Variants in STPG2 observed in about 807,000 individuals in gnomAD.
The protein encoded by STPG2 is sperm-tail PG-rich repeat-containing protein 2.
Under a neutral mutation model 54.2 loss-of-function variants are expected in STPG2, and 56 were observed. That is an observed-to-expected ratio of 1.03 (90% CI 0.83 to 1.29). STPG2 has a LOEUF of 1.29. STPG2 is among the 50% of genes most tolerant of loss of function. The pLI is 0.00. For missense variants in STPG2, 596 were observed against 544.9 expected, an observed-to-expected ratio of 1.09 and a Z score of -0.93; for synonymous variants, 200 against 181.8, an observed-to-expected ratio of 1.10 and a Z score of -0.81.
chr4:97,561,045 G>T (rs550352554), intron 10 of STPG2, among the ~76,000 whole-genome samples: 8 of 152,140 alleles, frequency 5.3e-5, no homozygotes, highest in African/African-American at 1.9e-4. Flanking sequence ...CACAATGGTT[G>T]AACTAGTTTA....
chr4:97,912,455 C>G (rs1731716697), intron 8 of STPG2, among the ~76,000 whole-genome samples: 2 of 152,104 alleles, frequency 1.3e-5, no homozygotes, highest in East Asian at 3.8e-4. Flanking sequence ...GCCACAATAG[C>G]CAGTTTAGAG....
intron 9 of STPG2, among the ~76,000 whole-genome samples, chr4:97,822,335 C>A (rs1728119473): frequency 6.6e-6 from 1 of 152,204 alleles, no homozygotes; most frequent in Non-Finnish European, 1.5e-5. Flanking sequence ...CTGTCCATAT[C>A]ACTATCAGAA....
intron 7 of STPG2, among the ~76,000 whole-genome samples, chr4:97,949,283 C>A (rs780362308): frequency 3.9e-5 from 6 of 151,930 alleles, no homozygotes; most frequent in Non-Finnish European, 7.4e-5. Context: ...CTTTTACCAC[C>A]CTTTTACCTT....
At chr4:98,075,610 T>C (rs767383844) in intron 5 of STPG2, among the ~76,000 whole-genome samples, 19 of 152,216 alleles carry the variant, frequency 1.2e-4, no homozygotes, top group Admixed American at 7.2e-4. Flanking sequence ...TTTGTAGTCA[T>C]ATAATTTATC....
intron 9 of STPG2, among the ~76,000 whole-genome samples, chr4:97,766,976 A>G (rs1726074196): frequency 6.6e-6 from 1 of 152,088 alleles, no homozygotes; most frequent in Non-Finnish European, 1.5e-5. Flanking sequence ...TAAAATAACT[A>G]AAAGAATCAG....
rs1724608562 is a variant in STPG2, at chr4:97,725,915, C to A, written c.1205-13101G>T. On this transcript the variant is annotated intron_variant, in intron 9 of 10. Coordinates refer to ENST00000295268, the MANE Select transcript of STPG2 (RefSeq NM_174952.3). ...TTCCAAAAAAAGGAAGGTCTTAAGT[C>A]CCCCACAAAGGAAAAAAAAATCAAA... Among the ~76,000 whole-genome samples the A allele has an allele frequency of 2.0e-5, 3 of 151,556 alleles. 1 individual carries two copies. In the South Asian group the frequency reaches 6.2e-4, roughly 31 times the overall value.
intron 10 of STPG2, among the ~76,000 whole-genome samples, chr4:97,703,783 T>A (rs1723861436): frequency 6.8e-6 from 1 of 147,322 alleles, no homozygotes; most frequent in Non-Finnish European, 1.5e-5. Flanking sequence ...TTTGTGTGTG[T>A]GTGTATATAT....
At chr4:97,788,422 T>G (rs1325177614) in intron 9 of STPG2, among the ~76,000 whole-genome samples, 1 of 152,132 alleles carries the variant, frequency 6.6e-6, no homozygotes, top group African/African-American at 2.4e-5. Context: ...TTTTCATGGC[T>G]GAGTAGTACT....
chr4:97,760,124 G>A (rs990904913), intron 9 of STPG2, among the ~76,000 whole-genome samples: 2 of 151,950 alleles, frequency 1.3e-5, no homozygotes, highest in South Asian at 4.2e-4. Context: ...ATTGATTTTC[G>A]CACATCTAAA....
intron 5 of STPG2, among the ~76,000 whole-genome samples, chr4:98,105,458 A>G (rs783917): frequency 0.86 from 131,057 of 151,934 alleles, 56,624 homozygotes; most frequent in Middle Eastern, 0.97. Context: ...GAGCTCCAAG[A>G]ATTTGTGTTT....
chr4:97,819,960 GT>G (rs1371134112), intron 9 of STPG2, among the ~76,000 whole-genome samples: 1 of 151,738 alleles, frequency 6.6e-6, no homozygotes, highest in African/African-American at 2.4e-5. Flanking sequence ...GTTGGGATTG[GT>G]TTTTTGTTTT....
intron 4 of STPG2, among the ~76,000 whole-genome samples, chr4:97,467,272 A>T (rs973662900): frequency 1.3e-5 from 2 of 151,968 alleles, no homozygotes; most frequent in Admixed American, 1.3e-4. Context: ...TGATAAATTA[A>T]AATGTTAAAA....
At chr4:97,462,697 T>G (rs1431091737) in intron 4 of STPG2, among the ~76,000 whole-genome samples, 1 of 152,132 alleles carries the variant, frequency 6.6e-6, no homozygotes, top group Non-Finnish European at 1.5e-5. Context: ...AATAATTTGT[T>G]GCTGATAGCT....
intron 9 of STPG2, among the ~76,000 whole-genome samples, chr4:97,748,683 T>C (rs1332624881): frequency 1.3e-5 from 2 of 151,594 alleles, no homozygotes; most frequent in Non-Finnish European, 3.0e-5. Flanking sequence ...CCATAGACAA[T>C]TATAAATGAA....
chr4:97,848,976 G>A lies in STPG2; in HGVS notation c.1045-8044C>T, dbSNP rs1465082030. Among the ~76,000 whole-genome samples, 24 of 148,384 alleles carry A rather than the reference G, an allele frequency of 1.6e-4. No homozygotes were observed. In the South Asian group the frequency reaches 4.2e-3, roughly 26 times the overall value. ...TCTTTTGGCTTAGGATTGACTTGGCGATGTGGGCTCTTTTTTGGTTCCATA... is the reference window on the plus strand; with the variant it reads ...TCTTTTGGCTTAGGATTGACTTGGCAATGTGGGCTCTTTTTTGGTTCCATA... On this transcript the variant is annotated intron_variant, in intron 8 of 10. Transcript: ENST00000295268.
chr4:97,737,143 G>T (rs6532694), intron 9 of STPG2, among the ~76,000 whole-genome samples: 134,516 of 152,202 alleles, frequency 0.88, 59,851 homozygotes, highest in African/African-American at 0.98. Flanking sequence ...CACCTGCAGC[G>T]GAGGGTCCTG....
chr4:97,662,761 G>T (rs1182863236), intron 10 of STPG2, among the ~76,000 whole-genome samples: 1 of 152,048 alleles, frequency 6.6e-6, no homozygotes, highest in East Asian at 1.9e-4. Context: ...CATAAAGATG[G>T]GAACAAGAGA....
At chr4:97,541,014 T>C (rs1578374320) in intron 4 of STPG2, among the ~76,000 whole-genome samples, 1 of 152,184 alleles carries the variant, frequency 6.6e-6, no homozygotes, top group East Asian at 1.9e-4. Context: ...GCCAATATCA[T>C]ACTGAATGGG....
At chr4:98,116,705 C>T (rs774113126) in intron 3 of STPG2, among the ~76,000 whole-genome samples, 7 of 151,824 alleles carry the variant, frequency 4.6e-5, no homozygotes, top group African/African-American at 1.7e-4. Context: ...ACAGTCAAGG[C>T]CTAGAAGACC....
Sources: allele counts gnomAD v4.1 joint callset (sites outside exome capture counted in the v4.1 genomes callset), GRCh38; gene constraint gnomAD v4.1.1; transcripts MANE v1.5; gene names NCBI Gene and HGNC (gene_info 2026-07-23, HGNC 2026-07-21).